SCTR: variants seen among roughly 807,000 people sequenced by gnomAD.
SCTR encodes secretin receptor.
A neutral mutation model predicts 60.8 loss-of-function variants in SCTR; 56 were observed. The ratio of observed to expected loss-of-function variants is 0.92; its 90% confidence interval spans 0.74 to 1.15. The LOEUF is 1.15. SCTR is among the 50% of genes most tolerant of loss of function. SCTR has a pLI of 0.00. For missense variants in SCTR, 562 were observed against 550.4 expected, an observed-to-expected ratio of 1.02 and a Z score of -0.21; for synonymous variants, 202 against 217.0, an observed-to-expected ratio of 0.93 and a Z score of 0.61.
intron 4 of SCTR, among the ~76,000 whole-genome samples, chr2:119,468,604 C>T (rs1683934560): frequency 6.6e-6 from 1 of 152,210 alleles, no homozygotes; most frequent in African/African-American, 2.4e-5. Flanking sequence ...TTTTCCCCAT[C>T]CCACCATCCT....
chr2:119,468,653 C>T (rs2104817548), intron 4 of SCTR, among the ~76,000 whole-genome samples: 1 of 152,326 alleles, frequency 6.6e-6, no homozygotes, highest in East Asian at 1.9e-4. Flanking sequence ...GGTAGGAAGT[C>T]TGAGCATGAA....
chr2:119,490,666 C>T (rs559593885), intron 2 of SCTR, among the ~76,000 whole-genome samples: 27 of 152,348 alleles, frequency 1.8e-4, no homozygotes, highest in African/African-American at 5.1e-4. Flanking sequence ...AGCTCATCAC[C>T]ATGTGTGGTC....
chr2:119,461,777 A>G, intron 7 of SCTR, 70 bp downstream of exon 7: 1 of 1,320,168 alleles, frequency 7.6e-7, no homozygotes, highest in Non-Finnish European at 1.0e-6. Context: ...TAAAAGCCGA[A>G]CCCTCCGACT....
chr2:119,461,980 C>G lies in SCTR; in HGVS notation c.657G>C (p.Met219Ile), dbSNP rs199636057. ...CCATGATGCAGTACTGGAACAGCAC[C>G]ATGACCAGCTTGCAGCCCGCCTGGA... ...DAHRAGCKLVMVLFQYCIMAN... is the reference protein window; with the variant it reads ...DAHRAGCKLVIVLFQYCIMAN... Residue 219 changes from methionine (M) to isoleucine (I), a missense_variant, in exon 7 of 13, where the codon ATG becomes ATC. Met to Ile is a conservative substitution (Grantham distance 10). Coordinates refer to ENST00000019103, the MANE Select transcript of SCTR (RefSeq NM_002980.3). 7.5e-6 allele frequency: 12 copies of G among 1,606,720 alleles called. No individual in the cohort carries two copies. The African/African-American group carries it at 9.4e-5, about 13-fold the overall frequency.
Position 119,493,298 on chromosome 2 carries a change from T to G in SCTR, c.193+1130A>C, listed in dbSNP as rs182256513. Reference sequence around the variant, plus strand: ...GGATGGATAAACCACATTTTGTTTATCCATTCGTCAGTTGATGGGCATTAG... The same window carrying G: ...GGATGGATAAACCACATTTTGTTTAGCCATTCGTCAGTTGATGGGCATTAG... On this transcript the variant is annotated intron_variant, in intron 2 of 12. Coordinates refer to ENST00000019103, the MANE Select transcript of SCTR (RefSeq NM_002980.3). 3.0e-3 allele frequency among the ~76,000 whole-genome samples: 461 copies of G among 152,320 alleles called. 1 individual carries two copies. The highest frequency in any genetic ancestry group is 0.017 in the South Asian group (83 of 4,828).
At chr2:119,461,808 C>A in intron 7 of SCTR, 39 bp downstream of exon 7, 1 of 1,566,934 alleles carries the variant, frequency 6.4e-7, no homozygotes, top group Non-Finnish European at 8.7e-7. Context: ...CACCCCTTCC[C>A]ACATACCATG....
chr2:119,455,369 A>T (rs1683334776), intron 7 of SCTR, among the ~76,000 whole-genome samples: 2 of 152,258 alleles, frequency 1.3e-5, no homozygotes, highest in African/African-American at 4.8e-5. Flanking sequence ...ATTCATTCTT[A>T]AATAGGAACA....
At chr2:119,511,530 T>A (rs575371054) in intron 1 of SCTR, among the ~76,000 whole-genome samples, 1 of 152,346 alleles carries the variant, frequency 6.6e-6, no homozygotes, top group African/African-American at 2.4e-5. Context: ...TAGTTTTCCA[T>A]GTACATATGG....
intron 2 of SCTR, chr2:119,479,832 T>C (rs1178053474): frequency 6.6e-6 from 1 of 152,206 alleles, no homozygotes; most frequent in Non-Finnish European, 1.5e-5. Context: ...TTGATTTGGC[T>C]GCTAGGAAGC....
chr2:119,518,135 A>G (rs1056839146), intron 1 of SCTR, among the ~76,000 whole-genome samples: 5 of 152,148 alleles, frequency 3.3e-5, no homozygotes, highest in Admixed American at 2.0e-4. Flanking sequence ...TCTTGATCTC[A>G]CACTTCCAAC....
chr2:119,492,989 C>A (rs1558871402), intron 2 of SCTR, among the ~76,000 whole-genome samples: 1 of 152,062 alleles, frequency 6.6e-6, no homozygotes, highest in Non-Finnish European at 1.5e-5. Context: ...TCCTGAGTAG[C>A]TGGAATTACA....
At chr2:119,511,269 ACAGT>A (rs1043148093) in intron 1 of SCTR, among the ~76,000 whole-genome samples, 4 of 152,142 alleles carry the variant, frequency 2.6e-5, no homozygotes, top group African/African-American at 9.7e-5. Flanking sequence ...TAAATTTGAG[ACAGT>A]CAAACTTCCT....
intron 4 of SCTR, 22 bp downstream of exon 4, chr2:119,473,431 G>C: frequency 6.4e-7 from 1 of 1,554,890 alleles, no homozygotes; most frequent in African/African-American, 1.4e-5. Context: ...CGGGTTCGTG[G>C]GGTGGAGGTT....
rs899482061 is a variant in SCTR at position 119,440,060 on chromosome 2, C to T, written c.*57G>A. ...AAGACTGGCTGTCCCACAGCAGTGC[C>T]CAGCCTTCGCAGGACCTCTCTTGGT... On this transcript the variant is annotated 3_prime_UTR_variant, in exon 13 of 13. Transcript: ENST00000019103. The T allele has an allele frequency of 2.1e-5, 33 of 1,552,506 alleles. No homozygotes were observed. In the South Asian group the frequency reaches 3.9e-4, roughly 18 times the overall value.
chr2:119,521,443 T>C (rs558274319), intron 1 of SCTR, among the ~76,000 whole-genome samples: 1 of 152,160 alleles, frequency 6.6e-6, no homozygotes, highest in South Asian at 2.1e-4. Flanking sequence ...GTTCAAAGTG[T>C]GCATATTGGG....
chr2:119,488,702 G>A (rs1425263727), intron 2 of SCTR, among the ~76,000 whole-genome samples: 2 of 152,228 alleles, frequency 1.3e-5, no homozygotes, highest in African/African-American at 4.8e-5. Flanking sequence ...AGCCATTCAT[G>A]GCAGAGGTCA....
rs376292887 is a variant in SCTR at position 119,495,805 on chromosome 2, C to A, written c.73-1257G>T. Among the ~76,000 whole-genome samples the A allele has an allele frequency of 1.9e-4, 29 of 152,348 alleles. 1 individual carries two copies. The highest frequency in any genetic ancestry group is 1.7e-3 in the East Asian group (9 of 5,184). ...TTCCCCATGAAAAACACATCACCTC[C>A]CCTGGCCCAGAGCTTGTGATCAGTC... On this transcript the variant is annotated intron_variant, in intron 1 of 12. Coordinates refer to ENST00000019103, the MANE Select transcript of SCTR (RefSeq NM_002980.3).
chr2:119,470,915 G>A (rs1676981230), intron 4 of SCTR, among the ~76,000 whole-genome samples: 1 of 152,160 alleles, frequency 6.6e-6, no homozygotes, highest in African/African-American at 2.4e-5. Flanking sequence ...TGGCCAAGCT[G>A]GTCTCAAACC....
chr2:119,499,567 A>G (rs556843566), intron 1 of SCTR, among the ~76,000 whole-genome samples: 6 of 152,206 alleles, frequency 3.9e-5, no homozygotes, highest in African/African-American at 1.2e-4. Context: ...AGAAAGAAAA[A>G]TGGAAAATCT....
Sources: allele counts gnomAD v4.1 joint callset (sites outside exome capture counted in the v4.1 genomes callset), GRCh38; gene constraint gnomAD v4.1.1; transcripts MANE v1.5; gene names NCBI Gene and HGNC (gene_info 2026-07-23, HGNC 2026-07-21).